Variants in IK observed in about 807,000 individuals in gnomAD.
The protein encoded by IK is IK cytokine.
Under a neutral mutation model 90.9 loss-of-function variants are expected in IK, and 47 were observed. The ratio of observed to expected loss-of-function variants is 0.52; its 90% CI spans 0.41 to 0.66. The LOEUF (loss-of-function observed/expected upper bound fraction) is 0.66, where lower values mean the gene tolerates loss of function less well. Ranked by LOEUF, IK falls within the 30% of genes least tolerant of loss-of-function variation. IK has a pLI of 0.00. For missense variants in IK, 385 were observed against 709.3 expected, an observed-to-expected ratio of 0.54 and a Z score of 5.19; for synonymous variants, 201 against 227.5, an observed-to-expected ratio of 0.88 and a Z score of 1.05.
intron 10 of IK, 47 bp downstream of exon 10, chr5:140,657,709 G>A: frequency 1.5e-6 from 2 of 1,327,402 alleles, no homozygotes; most frequent in Non-Finnish European, 2.1e-6. Context: ...GAGGACGTTT[G>A]GGGATAAAAC....
At position 140,647,844 on chromosome 5, in the gene IK, G is replaced by A. The variant is rs1757501829; in HGVS notation, c.-65G>A. On this transcript the variant is annotated 5_prime_UTR_variant, in exon 1 of 20. Transcript: ENST00000417647. The stretch of plus-strand genomic sequence containing the variant: ...ATTCTGAGGTGCACTGTGGGAAAGA[G>A]CTTGTCGCTGCGGTGTTGCTGTTGG... The A allele has an allele frequency of 1.3e-6, 2 of 1,598,768 alleles. No homozygotes were observed. Among genetic ancestry groups the A allele is most frequent in the Non-Finnish European group, 1.7e-6 (2 of 1,165,990 alleles).
chr5:140,652,807 T>C (rs1757637887), intron 4 of IK, among the ~76,000 whole-genome samples, 170 bp from the exon 5 acceptor site: 1 of 152,120 alleles, frequency 6.6e-6, no homozygotes, highest in Non-Finnish European at 1.5e-5. Flanking sequence ...GAAGTTGTAG[T>C]TCTGATTTTG....
At chr5:140,657,686 AG>A in intron 10 of IK, 24 bp downstream of exon 10, 1 of 1,509,800 alleles carries the variant, frequency 6.6e-7, no homozygotes, top group Non-Finnish European at 9.2e-7. Context: ...TAGAGAGAGA[AG>A]CCTTACCCAC....
In IK at chr5:140,661,490, A is replaced by T. The variant is rs1178290463; in HGVS notation, c.1414-130A>T. On this transcript the variant is annotated intron_variant, in intron 16 of 19. Coordinates refer to ENST00000417647, the MANE Select transcript of IK (RefSeq NM_006083.4). The surrounding 1 kb of genome is among the most constrained non-coding windows in gnomAD (Gnocchi z 4.2). The stretch of plus-strand genomic sequence containing the variant: ...AAGTATGTAATAAGCATTTATTATT[A>T]CTTATCAGGGTATGATTTATGAATT... 1 of 640,182 alleles carries T rather than the reference A, an allele frequency of 1.6e-6. No individual in the cohort carries two copies. Among genetic ancestry groups the T allele is most frequent in the Admixed American group, 2.9e-5 (1 of 34,538 alleles). 39.7% of individuals were successfully genotyped at this position (640,182 alleles called of 1,614,324 possible). A position where few individuals can be genotyped will look rare whatever the true frequency, so the allele number is the denominator to read the frequency against.
At chr5:140,659,989 A>C (rs987076986) in intron 14 of IK, 126 bp from the exon 15 acceptor site, 2 of 940,896 alleles carry the variant, frequency 2.1e-6, no homozygotes, top group Admixed American at 4.1e-5. Flanking sequence ...TTCCCAGAGC[A>C]CCCATAACAG....
chr5:140,648,638 T>TA (rs1757544947), intron 2 of IK, 101 bp downstream of exon 2: 2 of 1,149,452 alleles, frequency 1.7e-6, no homozygotes, highest in African/African-American at 1.5e-5. Flanking sequence ...TCAAGGATGG[T>TA]AAAAAATTAT....
At chr5:140,655,752 G>T in intron 8 of IK, 77 bp from the exon 9 acceptor site, 1 of 1,458,780 alleles carries the variant, frequency 6.9e-7, no homozygotes, top group Middle Eastern at 2.1e-4. Context: ...TGGCATGGTG[G>T]CTAGCACAGA....
At chr5:140,654,096 A>G (rs900539091) in intron 6 of IK, 44 bp downstream of exon 6, 9 of 1,052,936 alleles carry the variant, frequency 8.5e-6, no homozygotes, top group Non-Finnish European at 1.0e-5. Context: ...GTCGTGCTGA[A>G]TGCTCTTGTA....
rs913199506 is a variant in IK, at chr5:140,661,114, A to G, written c.1413+299A>G. ...AATGCATAAGTAGAAAGGGCAGAAA[A>G]AATTGCAGTCTTTGGAAAATAACTA... is the stretch of plus-strand genomic sequence containing the variant. On this transcript the variant is annotated intron_variant, in intron 16 of 19. Transcript: ENST00000417647. This position sits in a 1 kb window ranked among gnomAD's most constrained non-coding sequence, Gnocchi z 4.2. The G allele has an allele frequency of 8.2e-6, 3 of 364,334 alleles. No individual in the cohort carries two copies. Among genetic ancestry groups the G allele is most frequent in the Non-Finnish European group, 9.8e-6 (2 of 204,410 alleles). The allele number at this position is 364,334 out of a possible 1,614,324, so 22.6% of individuals were successfully genotyped here. A position where few individuals can be genotyped will look rare whatever the true frequency, so the allele number is the denominator to read the frequency against.
chr5:140,652,025 C>A, intron 3 of IK, 63 bp from the exon 4 acceptor site: 1 of 1,308,954 alleles, frequency 7.6e-7, no homozygotes, highest in Non-Finnish European at 1.1e-6. Flanking sequence ...CTCAAGGAGA[C>A]TTCTTGGGGT....
chr5:140,655,913 T>G lies in IK; in HGVS notation c.722T>G (p.Val241Gly). The change falls in exon 9 of 20, where the codon GTA becomes GGA. Residue 241 changes from valine to glycine, a missense_variant. Val to Gly is a moderately radical substitution (Grantham distance 109). Around this residue, in one of 8 missense-constraint regions of IK, gnomAD observed 33 missense variants for 86.1 expected, o/e 0.38. Coordinates refer to ENST00000417647, the MANE Select transcript of IK (RefSeq NM_006083.4). ...CTGCCGGGCCGCATGGCCTATGTGG[T>G]AGACCTGGATGATGAGTATGCTGAC... ...LFLPGRMAYV[V>G]DLDDEYADTD... The G allele has an allele frequency of 6.3e-7, 1 of 1,588,436 alleles. No individual in the cohort carries two copies. The highest frequency in any genetic ancestry group is 8.6e-7 in the Non-Finnish European group (1 of 1,166,068).
chr5:140,648,363 T>C (rs2149804251), intron 1 of IK, 108 bp from the exon 2 acceptor site: 1 of 958,776 alleles, frequency 1.0e-6, no homozygotes, highest in Non-Finnish European at 1.7e-6. Flanking sequence ...GTTGACACTG[T>C]CGCTGTTCTA....
Position 140,661,858 on chromosome 5 carries a change from A to G in IK, c.1503-41A>G, listed in dbSNP as rs1250762421. ...ACTCTGGGAAAACCTCGCCACTGCT[A>G]TGCAATCTCTGATGCATTCTTTCCC... is the stretch of plus-strand genomic sequence containing the variant. On this transcript the variant is annotated intron_variant, in intron 17 of 19. Coordinates refer to ENST00000417647, the MANE Select transcript of IK (RefSeq NM_006083.4). This position sits in a 1 kb window ranked among gnomAD's most constrained non-coding sequence, Gnocchi z 4.2. 5 of 1,542,946 alleles carry G rather than the reference A, an allele frequency of 3.2e-6. No individual in the cohort carries two copies. Among genetic ancestry groups the G allele is most frequent in the Non-Finnish European group, 1.8e-6 (2 of 1,130,932 alleles).
intron 13 of IK, 84 bp downstream of exon 13, chr5:140,659,417 T>C: frequency 6.9e-7 from 1 of 1,443,406 alleles, no homozygotes; most frequent in Admixed American, 1.7e-5. Flanking sequence ...ACGGTGGGAT[T>C]GGGGGACCTC....
At position 140,659,300 on chromosome 5, in the gene IK, T is replaced by C. The variant is rs781001927; in HGVS notation, c.1177-15T>C. 12 of 1,613,804 alleles carry C rather than the reference T, an allele frequency of 7.4e-6. No individual in the cohort carries two copies. The highest frequency in any genetic ancestry group is 9.3e-6 in the Non-Finnish European group (11 of 1,179,874). ...CTCATGGTAACACTAACTTCACATT[T>C]TGTGTTCTTTCCAGCCCATGGACGT... On this transcript the variant is annotated splice_polypyrimidine_tract_variant and intron_variant, in intron 12 of 19. Transcript: ENST00000417647.
At chr5:140,648,028 G>A (rs1757514868) in intron 1 of IK, 104 bp downstream of exon 1, 3 of 1,030,488 alleles carry the variant, frequency 2.9e-6, no homozygotes, top group Non-Finnish European at 3.0e-6. Context: ...GTGTGTGTGT[G>A]TGTGTGTGTG....
At position 140,647,877 on chromosome 5, in the gene IK, A is replaced by C; in HGVS notation, c.-32A>C. 6.2e-7 allele frequency: 1 copy of C among 1,613,774 alleles called. No individual in the cohort carries two copies. The highest frequency in any genetic ancestry group is 8.5e-7 in the Non-Finnish European group (1 of 1,179,730). ...CTGCGGTGTTGCTGTTGGAGACTCG[A>C]TTGTTGGTGACAGCGAAAGAACGAT... On this transcript the variant is annotated 5_prime_UTR_variant, in exon 1 of 20. Transcript: ENST00000417647.
Position 140,661,860 on chromosome 5 carries a change from G to A in IK, c.1503-39G>A. On this transcript the variant is annotated intron_variant, in intron 17 of 19. Coordinates refer to ENST00000417647, the MANE Select transcript of IK (RefSeq NM_006083.4). This position sits in a 1 kb window ranked among gnomAD's most constrained non-coding sequence, Gnocchi z 4.2. ...TCTGGGAAAACCTCGCCACTGCTATGCAATCTCTGATGCATTCTTTCCCAA... is the reference window on the plus strand; with the variant it reads ...TCTGGGAAAACCTCGCCACTGCTATACAATCTCTGATGCATTCTTTCCCAA... 1 of 1,546,956 alleles carries A rather than the reference G, an allele frequency of 6.5e-7. No individual in the cohort carries two copies.
chr5:140,656,303 C>A (rs1299263902), intron 9 of IK, among the ~76,000 whole-genome samples: 1 of 152,216 alleles, frequency 6.6e-6, no homozygotes, highest in African/African-American at 2.4e-5. Context: ...AACGATTCTC[C>A]TGCCGCAGCC....
Sources: allele counts gnomAD v4.1 joint callset (sites outside exome capture counted in the v4.1 genomes callset), GRCh38; gene constraint gnomAD v4.1.1; regional missense constraint gnomAD v4.1.1; non-coding constraint Gnocchi (gnomAD v3.1); transcripts MANE v1.5; gene names NCBI Gene and HGNC (gene_info 2026-07-23, HGNC 2026-07-21).